The following ACOX1 variants were observed in gnomAD, a reference collection of about 807,000 sequenced individuals.
The protein encoded by ACOX1 is acyl-CoA oxidase 1.
A neutral mutation model predicts 75.5 loss-of-function variants in ACOX1; 41 were observed. That is an observed-to-expected ratio of 0.54 (90% CI 0.42 to 0.70). The LOEUF (loss-of-function observed/expected upper bound fraction) is 0.70. Among genes scored for constraint, ACOX1 ranks in the 30% least tolerant of loss-of-function variants. ACOX1 has a pLI of 0.00. For missense variants in ACOX1, 630 were observed against 837.5 expected (o/e 0.75, Z 3.06); for synonymous variants, 303 against 298.8 (o/e 1.01, Z -0.15).
intron 2 of ACOX1, among the ~76,000 whole-genome samples, chr17:75,963,793 A>G (rs1418224880): frequency 6.6e-6 from 1 of 151,978 alleles, no homozygotes; most frequent in African/African-American, 2.4e-5. Context: ...GAAATCCCAC[A>G]AGGTGTCACC....
rs1182042499 is a variant in ACOX1, at chr17:75,978,117, T to C, written c.269+417A>G. Among the ~76,000 whole-genome samples the C allele has an allele frequency of 5.3e-5, 8 of 152,076 alleles. No individual in the cohort carries two copies. Among genetic ancestry groups the C allele is most frequent in the Non-Finnish European group, 1.2e-4 (8 of 68,002 alleles). On this transcript the variant is annotated intron_variant, in intron 2 of 13. Coordinates refer to ENST00000293217, the MANE Select transcript of ACOX1 (RefSeq NM_004035.7). The surrounding 1 kb of genome is among the most constrained non-coding windows in gnomAD (Gnocchi z 4.2). ...TTATTTATTTATTTATTTTTTGAGA[T>C]GGAGTCTCGCACTCTTGCCCAGGCT...
chr17:75,949,233 G>C lies in ACOX1; in HGVS notation c.1712C>G (p.Ala571Gly). 6.2e-7 allele frequency: 1 copy of C among 1,614,118 alleles called. No homozygotes were observed. The highest frequency in any genetic ancestry group is 8.5e-7 in the Non-Finnish European group (1 of 1,180,026). The change falls in exon 12 of 14, where the codon GCG becomes GGG. Residue 571 changes from alanine to glycine, a missense_variant. Ala to Gly is a moderately conservative substitution (Grantham distance 60). Transcript: ENST00000293217. ...AATACTGACCTGAAGGAAATCCCCC[G>C]CGTTCTGACTGATTCCATACAGAGA... ...LYSLYGISQN[A>G]GDFLQGSIMT...
rs562411257 is a variant in ACOX1 at position 75,943,040 on chromosome 17, A to G, written c.*3708T>C. On this transcript the variant is annotated 3_prime_UTR_variant, in exon 14 of 14. Transcript: ENST00000293217. ...AGTGGGAGTGCAGATCACCTGGCCA[A>G]CATGGTGAAACTCCATCTCTGCTCA... 2 of 152,172 alleles carry G rather than the reference A, an allele frequency of 1.3e-5. No homozygotes were observed. Among genetic ancestry groups the G allele is most frequent in the Admixed American group, 6.5e-5 (1 of 15,272 alleles). 9.4% of individuals were successfully genotyped at this position (152,172 alleles called of 1,614,324 possible).
chr17:75,959,034 C>A (rs966281574), intron 3 of ACOX1, among the ~76,000 whole-genome samples: 1 of 152,040 alleles, frequency 6.6e-6, no homozygotes, highest in Non-Finnish European at 1.5e-5. Flanking sequence ...TAAATCTTAA[C>A]ACAAATATAT....
In ACOX1 at chr17:75,949,323, T is replaced by C; in HGVS notation, c.1622A>G (p.Glu541Gly). The C allele has an allele frequency of 6.2e-7, 1 of 1,614,198 alleles. No individual in the cohort carries two copies. Among genetic ancestry groups the C allele is most frequent in the Non-Finnish European group, 8.5e-7 (1 of 1,180,030 alleles). Residue 541 changes from glutamate to glycine, a missense_variant, in exon 12 of 14, where the codon GAA (glutamate) becomes GGA (glycine). By Grantham distance (98) the Glu-to-Gly change is moderately conservative (BLOSUM62 -2). Around this residue, in one of 2 missense-constraint regions of ACOX1, gnomAD observed 240 missense variants for 262.7 expected, o/e 0.91. Coordinates refer to ENST00000293217, the MANE Select transcript of ACOX1 (RefSeq NM_004035.7). The stretch of plus-strand genomic sequence containing the variant: ...TTTATCTTGAATTTTGAGGAGTTTT[T>C]CTGAAAAGAGCTTAACTACCACATA... ...CHYVVVKLFS[E>G]KLLKIQDKAI...
Position 75,978,024 on chromosome 17 carries a change from G to A in ACOX1, c.269+510C>T, listed in dbSNP as rs545008236. The stretch of plus-strand genomic sequence containing the variant: ...TTTATTATCAGCATTCTACAAACAC[G>A]TCATCCCACGAAAAGGCTTGGATAC... On this transcript the variant is annotated intron_variant, in intron 2 of 13. Transcript: ENST00000293217. The surrounding 1 kb of genome is among the most constrained non-coding windows in gnomAD (Gnocchi z 4.2). 2.0e-4 allele frequency among the ~76,000 whole-genome samples: 31 copies of A among 152,152 alleles called. No homozygotes were observed. The highest frequency in any genetic ancestry group is 6.7e-4 in the African/African-American group (28 of 41,520).
At chr17:75,965,826 C>CCGT (rs1206149241) in intron 2 of ACOX1, among the ~76,000 whole-genome samples, 1 of 151,976 alleles carries the variant, frequency 6.6e-6, no homozygotes, top group African/African-American at 2.4e-5. Flanking sequence ...GAGCAAGAAC[C>CCGT]CGTCTTTCAA....
In ACOX1 at chr17:75,948,348, T is replaced by C. The variant is rs2065741045; in HGVS notation, c.1838A>G (p.Gln613Arg). Reference sequence around the variant, plus strand: ...AAGCACAGAGCCAAGTGTCACATCCTGAAAATCAAATGCATCAACCAAAGC... The same window carrying C: ...AAGCACAGAGCCAAGTGTCACATCCCGAAAATCAAATGCATCAACCAAAGC... The part of the protein sequence containing the change: ...AVALVDAFDF[Q>R]DVTLGSVLGR... The change falls in exon 13 of 14, where the codon CAG becomes CGG. Residue 613 changes from glutamine to arginine, a missense_variant. Transcript: ENST00000293217. The C allele has an allele frequency of 6.2e-7, 1 of 1,614,038 alleles. No individual in the cohort carries two copies. Among genetic ancestry groups the C allele is most frequent in the Non-Finnish European group, 8.5e-7 (1 of 1,180,036 alleles).
chr17:75,954,781 A>G (rs958211618), intron 6 of ACOX1, among the ~76,000 whole-genome samples: 1 of 151,704 alleles, frequency 6.6e-6, no homozygotes, highest in African/African-American at 2.4e-5. Context: ...CATATTGGTC[A>G]GGCTGGTCTT....
chr17:75,978,456 G>A lies in ACOX1; in HGVS notation c.269+78C>T, dbSNP rs574627038. ...GTTTGCATCTTCAAACACCAAGCACGGTGATGAAAGGCCACCATAGACCGC... is the reference window on the plus strand; with the variant it reads ...GTTTGCATCTTCAAACACCAAGCACAGTGATGAAAGGCCACCATAGACCGC... On this transcript the variant is annotated intron_variant, in intron 2 of 13. Coordinates refer to ENST00000293217, the MANE Select transcript of ACOX1 (RefSeq NM_004035.7). The surrounding 1 kb of genome is among the most constrained non-coding windows in gnomAD (Gnocchi z 4.2). 14 of 1,557,920 alleles carry A rather than the reference G, an allele frequency of 9.0e-6. No homozygotes were observed. In the African/African-American group the frequency reaches 1.1e-4, roughly 12 times the overall value.
intron 7 of ACOX1, among the ~76,000 whole-genome samples, chr17:75,952,297 AATT>A (rs560148490): frequency 1.2e-3 from 177 of 152,026 alleles, no homozygotes; most frequent in African/African-American, 3.8e-3. Flanking sequence ...TTAAAAATGT[AATT>A]ATTATTATTA....
chr17:75,975,883 G>C (rs763170985), intron 2 of ACOX1, among the ~76,000 whole-genome samples: 1 of 147,564 alleles, frequency 6.8e-6, no homozygotes, highest in Non-Finnish European at 1.5e-5. Flanking sequence ...GAAAGAAAGA[G>C]AGAGAAAGAA....
chr17:75,975,836 G>T (rs1221040130), intron 2 of ACOX1, among the ~76,000 whole-genome samples: 2 of 144,314 alleles, frequency 1.4e-5, no homozygotes. Context: ...TGCTGATAAT[G>T]GAAATAAATG....
chr17:75,956,589 G>A (rs903923789), intron 4 of ACOX1, among the ~76,000 whole-genome samples: 1 of 151,650 alleles, frequency 6.6e-6, no homozygotes, highest in Non-Finnish European at 1.5e-5. Flanking sequence ...TCAGGAGGCT[G>A]AGGCAGGAGA....
intron 4 of ACOX1, among the ~76,000 whole-genome samples, chr17:75,957,142 A>G (rs1400724604): frequency 6.6e-6 from 1 of 151,432 alleles, no homozygotes; most frequent in African/African-American, 2.4e-5. Flanking sequence ...CTGGAGTGCA[A>G]TGGTGCAATC....
intron 8 of ACOX1, 48 bp downstream of exon 8, chr17:75,951,367 A>G (rs1438153635): frequency 6.2e-7 from 1 of 1,611,006 alleles, no homozygotes; most frequent in African/African-American, 1.3e-5. Flanking sequence ...CCAACAGGCA[A>G]CCACGAAACA....
At position 75,949,285 on chromosome 17, in the gene ACOX1, C is replaced by G; in HGVS notation, c.1660G>C (p.Val554Leu). The stretch of plus-strand genomic sequence containing the variant: ...TACAGCAGACATAAACTCCTTAAGA[C>G]AGCTTGAATGGCTTTATCTTGAATT... The part of the protein sequence containing the change: ...LKIQDKAIQA[V>L]LRSLCLLYSL... Residue 554 changes from valine (V) to leucine (L), a missense_variant, in exon 12 of 14, where the codon GTC becomes CTC. Transcript: ENST00000293217. 1 of 1,614,206 alleles carries G rather than the reference C, an allele frequency of 6.2e-7. No individual in the cohort carries two copies. Among genetic ancestry groups the G allele is most frequent in the Non-Finnish European group, 8.5e-7 (1 of 1,180,010 alleles).
At chr17:75,957,704 C>T in intron 3 of ACOX1, 138 bp from the exon 4 acceptor site, 2 of 649,942 alleles carry the variant, frequency 3.1e-6, no homozygotes, top group Non-Finnish European at 5.5e-6. Context: ...TGTAGATGAG[C>T]TACAACTGGT....
intron 2 of ACOX1, among the ~76,000 whole-genome samples, chr17:75,969,323 C>T (rs1365929331): frequency 6.6e-6 from 1 of 151,886 alleles, no homozygotes; most frequent in Non-Finnish European, 1.5e-5. Context: ...CGCACCATCA[C>T]ACCCAGGTAA....
Sources: gnomAD v4.1 joint callset for allele counts (sites outside exome capture counted in the v4.1 genomes callset) on GRCh38, gnomAD v4.1.1 for gene constraint, gnomAD v4.1.1 regional missense constraint, Gnocchi (gnomAD v3.1) non-coding constraint, MANE v1.5 for transcripts, NCBI Gene and HGNC (gene_info 2026-07-23, HGNC 2026-07-21) for gene names.